EEIG2: variants seen among roughly 807,000 people sequenced by gnomAD.
The protein encoded by EEIG2 is EEIG family member 2.
At chr1:108,603,415 C>T in the EEIG2 span, among the ~76,000 whole-genome samples, 1 of 150,546 alleles carries the variant, frequency 6.6e-6, no homozygotes, top group Non-Finnish European at 1.5e-5. Flanking sequence ...AGAGTTTCAA[C>T]CTAGTAGGAA....
At chr1:108,594,349 TA>T in the EEIG2 span, among the ~76,000 whole-genome samples, 1 of 152,204 alleles carries the variant, frequency 6.6e-6, no homozygotes. Context: ...ATTAGTTACT[TA>T]CTCATGAGCA....
chr1:108,619,183 T>G, the EEIG2 span, among the ~76,000 whole-genome samples: 4 of 152,214 alleles, frequency 2.6e-5, no homozygotes, highest in Non-Finnish European at 4.4e-5. Flanking sequence ...GTAGATCATC[T>G]AATGTTTTAT....
At chr1:108,574,843 AG>A in the EEIG2 span, among the ~76,000 whole-genome samples, 5 of 152,354 alleles carry the variant, frequency 3.3e-5, no homozygotes, top group Admixed American at 3.3e-4. Context: ...AATGTTTATT[AG>A]GCCAAACCAA....
the EEIG2 span, among the ~76,000 whole-genome samples, chr1:108,564,213 G>A: frequency 5.3e-5 from 8 of 151,860 alleles, no homozygotes; most frequent in South Asian, 4.2e-4. Context: ...TTAAAGTGGC[G>A]TATCACCTGG....
chr1:108,624,512 T>C, the EEIG2 span: 2 of 585,170 alleles, frequency 3.4e-6, no homozygotes, highest in Non-Finnish European at 6.0e-6. Context: ...TTTGCTGATC[T>C]TTGTTACTTT....
At chr1:108,572,995 C>A in the EEIG2 span, among the ~76,000 whole-genome samples, 1 of 152,022 alleles carries the variant, frequency 6.6e-6, no homozygotes, top group Admixed American at 6.5e-5. Context: ...TATGGTTTAC[C>A]CATTCATCTA....
chr1:108,595,154 G>C, the EEIG2 span, among the ~76,000 whole-genome samples: 3 of 152,082 alleles, frequency 2.0e-5, no homozygotes, highest in African/African-American at 7.2e-5. Flanking sequence ...GTATTGCCAA[G>C]GAATTCCACT....
chr1:108,572,324 A>G, the EEIG2 span, among the ~76,000 whole-genome samples: 1 of 152,122 alleles, frequency 6.6e-6, no homozygotes, highest in Non-Finnish European at 1.5e-5. Context: ...GAGTTTCCAT[A>G]TACCCACTGC....
the EEIG2 span, among the ~76,000 whole-genome samples, chr1:108,622,630 T>C: frequency 8.0e-3 from 1,217 of 152,254 alleles, 17 homozygotes; most frequent in African/African-American, 0.028. Flanking sequence ...TGGGGAGATA[T>C]TGAGTTTCAC....
the EEIG2 span, among the ~76,000 whole-genome samples, chr1:108,594,035 T>G: frequency 2.0e-5 from 3 of 152,140 alleles, no homozygotes; most frequent in Non-Finnish European, 4.4e-5. Context: ...CCCGAACTCC[T>G]GAGCTCAAGC....
chr1:108,572,260 T>C, the EEIG2 span, among the ~76,000 whole-genome samples: 1,460 of 152,320 alleles, frequency 9.6e-3, 23 homozygotes, highest in African/African-American at 0.033. Flanking sequence ...TTCTTCTGCC[T>C]GCCCTTTTTT....
chr1:108,628,138 G>T, the EEIG2 span: 1 of 1,601,204 alleles, frequency 6.2e-7, no homozygotes, highest in South Asian at 1.1e-5. Context: ...TTGGCAATAA[G>T]AATGACATCA....
the EEIG2 span, among the ~76,000 whole-genome samples, chr1:108,579,923 C>G: frequency 1.3e-5 from 2 of 152,012 alleles, no homozygotes; most frequent in Non-Finnish European, 2.9e-5. Context: ...TGCCACCACC[C>G]CCAGATAATT....
At chr1:108,565,711 G>C in the EEIG2 span, among the ~76,000 whole-genome samples, 2 of 152,302 alleles carry the variant, frequency 1.3e-5, no homozygotes, top group East Asian at 3.9e-4. Flanking sequence ...CTGGGAAGCT[G>C]ATGAGCACAT....
chr1:108,592,267 T>G, the EEIG2 span, among the ~76,000 whole-genome samples: 1 of 152,238 alleles, frequency 6.6e-6, no homozygotes, highest in Admixed American at 6.5e-5. Context: ...TTGTGGCCCA[T>G]GCCTGACTTC....
the EEIG2 span, among the ~76,000 whole-genome samples, chr1:108,615,545 G>A: frequency 1.7e-5 from 2 of 114,382 alleles, no homozygotes; most frequent in Admixed American, 9.0e-5. Context: ...GAGGCCAAGG[G>A]GTAGGATCAC....
chr1:108,639,309 A>G, the EEIG2 span: 1 of 152,118 alleles, frequency 6.6e-6, no homozygotes, highest in African/African-American at 2.4e-5. Context: ...TTCAATAAAA[A>G]TCATATATTA....
At chr1:108,611,376 G>A in the EEIG2 span, among the ~76,000 whole-genome samples, 4 of 152,194 alleles carry the variant, frequency 2.6e-5, no homozygotes, top group African/African-American at 9.7e-5. Context: ...ACATGGAAAT[G>A]AGAAACAGGG....
chr1:108,614,650 C>T, the EEIG2 span, among the ~76,000 whole-genome samples: 1 of 152,116 alleles, frequency 6.6e-6, no homozygotes, highest in Admixed American at 6.6e-5. Context: ...GAAGTCAGTC[C>T]TTCCTCTTGG....
Sources: gnomAD v4.1 joint callset for allele counts (sites outside exome capture counted in the v4.1 genomes callset) on GRCh38, gnomAD v4.1.1 for gene constraint, MANE v1.5 for transcripts, NCBI Gene and HGNC (gene_info 2026-07-23, HGNC 2026-07-21) for gene names.